TRIM16: variants seen among roughly 807,000 people sequenced by gnomAD.
TRIM16 encodes the protein tripartite motif-containing protein 16.
A neutral mutation model predicts 50.4 loss-of-function variants in TRIM16; 33 were observed. That is an observed-to-expected ratio of 0.65 (90% CI 0.50 to 0.88). TRIM16 has a LOEUF of 0.88. Ranked by LOEUF, TRIM16 falls within the 40% of genes least tolerant of loss-of-function variation. The pLI, the probability that TRIM16 is intolerant of heterozygous loss-of-function variation, is 0.00. For missense variants in TRIM16, 581 were observed against 686.8 expected, an observed-to-expected ratio of 0.85 and a Z score of 1.72; for synonymous variants, 229 against 270.7, an observed-to-expected ratio of 0.85 and a Z score of 1.51.
At position 15,669,689 on chromosome 17, in the gene TRIM16, G is replaced by A. The variant is rs148198877; in HGVS notation, c.-338+7487C>T. Reference sequence around the variant, plus strand: ...TTCGCTATTACAATCAACTGCTCACGGTGAACTACTGTAGTTTAACATTGC... The same window carrying A: ...TTCGCTATTACAATCAACTGCTCACAGTGAACTACTGTAGTTTAACATTGC... On this transcript the variant is annotated intron_variant, in intron 6 of 11. Coordinates refer to ENST00000649191, the MANE Select transcript of TRIM16 (RefSeq NM_001348119.1). Among the ~76,000 whole-genome samples the A allele has an allele frequency of 5.9e-3, 898 of 152,270 alleles. 8 individuals are homozygous for A. Among genetic ancestry groups the A allele is most frequent in the African/African-American group, 0.021 (856 of 41,558 alleles).
intron 6 of TRIM16, among the ~76,000 whole-genome samples, chr17:15,663,919 A>C (rs1244788344): frequency 2.6e-5 from 4 of 152,202 alleles, no homozygotes; most frequent in African/African-American, 7.2e-5. Context: ...GCCACAATGG[A>C]GGGCACTGTG....
At chr17:15,675,013 G>A (rs1988868601) in intron 6 of TRIM16, among the ~76,000 whole-genome samples, 1 of 151,948 alleles carries the variant, frequency 6.6e-6, no homozygotes, top group African/African-American at 2.4e-5. Context: ...AGTACAAGAA[G>A]GGGCAACAAG....
At chr17:15,640,853 C>T (rs1987082468) in intron 8 of TRIM16, among the ~76,000 whole-genome samples, 1 of 148,724 alleles carries the variant, frequency 6.7e-6, no homozygotes, top group South Asian at 2.2e-4. Flanking sequence ...CCACAGAGTG[C>T]TCCCTGCCTG....
chr17:15,632,584 TA>T lies in TRIM16; in HGVS notation c.939del (p.Ile314SerfsTer8). The T allele has an allele frequency of 1.2e-6, 2 of 1,614,020 alleles. No homozygotes were observed. The highest frequency in any genetic ancestry group is 4.5e-5 in the East Asian group (2 of 44,882). On this transcript the variant is annotated frameshift_variant, in exon 10 of 12. Transcript: ENST00000649191. LOFTEE classifies it high-confidence loss of function. ...LKDKLSGIRK[V>X]ITESTVHLIQ... ...ATTAAGTGTACAGTGGATTCCGTGA[TA>T]ACTTTGCGGATGCCCGAGAGTTTAT... is the stretch of plus-strand genomic sequence containing the variant.
intron 3 of TRIM16, 130 bp from the exon 4 acceptor site, chr17:15,681,083 A>C: frequency 3.9e-6 from 3 of 778,486 alleles, no homozygotes; most frequent in Non-Finnish European, 6.0e-6. Flanking sequence ...GATTTTACAG[A>C]CATCTATGTA....
chr17:15,657,698 C>T (rs999937720), intron 6 of TRIM16, among the ~76,000 whole-genome samples: 1 of 152,150 alleles, frequency 6.6e-6, no homozygotes, highest in South Asian at 2.1e-4. Context: ...TCATTCATAT[C>T]GTAGCATGCA....
chr17:15,659,234 C>T (rs754665180), intron 6 of TRIM16, among the ~76,000 whole-genome samples: 5 of 152,194 alleles, frequency 3.3e-5, no homozygotes, highest in East Asian at 1.9e-4. Context: ...AGGTGCACCA[C>T]GGTCATTTCT....
intron 4 of TRIM16, among the ~76,000 whole-genome samples, chr17:15,679,016 C>T (rs1390638067): frequency 6.6e-6 from 1 of 151,962 alleles, no homozygotes; most frequent in African/African-American, 2.4e-5. Flanking sequence ...GCTGGGACTA[C>T]AGGTGTGAGC....
chr17:15,631,544 A>G, intron 11 of TRIM16, 75 bp downstream of exon 11: 1 of 1,387,968 alleles, frequency 7.2e-7, no homozygotes, highest in Non-Finnish European at 1.0e-6. Context: ...CCTAGATGAG[A>G]GATGGCGGTT....
intron 6 of TRIM16, chr17:15,658,684 A>G: frequency 2.9e-6 from 1 of 341,074 alleles, no homozygotes; most frequent in Non-Finnish European, 4.1e-6. Flanking sequence ...AGTGACATCT[A>G]AGTCAGTCCT....
At chr17:15,681,296 C>T (rs997587309) in intron 3 of TRIM16, 9 of 169,414 alleles carry the variant, frequency 5.3e-5, no homozygotes, top group African/African-American at 1.7e-4. Flanking sequence ...CTCCTTTATT[C>T]GCAAATGGAG....
chr17:15,642,340 C>G (rs1338551316), intron 8 of TRIM16, among the ~76,000 whole-genome samples: 1 of 149,236 alleles, frequency 6.7e-6, no homozygotes, highest in East Asian at 2.0e-4. Context: ...TGGTGAGACT[C>G]ACATGCAGAA....
rs1266827233 is a variant in TRIM16 at position 15,645,402 on chromosome 17, GC to G, written c.520-2587del. On this transcript the variant is annotated intron_variant, in intron 7 of 11. Transcript: ENST00000649191. The stretch of plus-strand genomic sequence containing the variant: ...GCCCTCCCAGCCCAGGCAAGTGCCT[GC>G]CCAAAAACCTCAGGTTTGCCTGCTT... Among the ~76,000 whole-genome samples, 8 of 152,102 alleles carry G rather than the reference GC, an allele frequency of 5.3e-5. No individual in the cohort carries two copies. In the South Asian group the frequency reaches 1.0e-3, roughly 20 times the overall value.
chr17:15,660,078 G>A (rs76449605), intron 6 of TRIM16, among the ~76,000 whole-genome samples: 4,370 of 152,294 alleles, frequency 0.029, 160 homozygotes, highest in African/African-American at 0.086. Flanking sequence ...TTACTAGTGA[G>A]ATATAGCCCT....
chr17:15,632,062 A>C (rs774754932), intron 10 of TRIM16: 148 of 352,750 alleles, frequency 4.2e-4, no homozygotes, highest in Non-Finnish European at 7.1e-4. Flanking sequence ...AGAGTCCATT[A>C]GTAACATACC....
chr17:15,676,230 T>G (rs906662679), intron 6 of TRIM16, among the ~76,000 whole-genome samples: 17 of 152,160 alleles, frequency 1.1e-4, no homozygotes, highest in African/African-American at 3.6e-4. Context: ...ACTTCAGACG[T>G]TGCCAAATGT....
chr17:15,649,430 T>G (rs1483792457), intron 7 of TRIM16, among the ~76,000 whole-genome samples: 2 of 151,868 alleles, frequency 1.3e-5, no homozygotes, highest in East Asian at 1.9e-4. Context: ...GGGACTACAG[T>G]CGCCCGCCAC....
At chr17:15,647,226 C>T (rs1380005031) in intron 7 of TRIM16, among the ~76,000 whole-genome samples, 2 of 151,236 alleles carry the variant, frequency 1.3e-5, no homozygotes, top group African/African-American at 4.9e-5. Context: ...CCCGCCTCGG[C>T]CTGCCAAAGT....
At chr17:15,657,166 T>C (rs1035606724) in intron 6 of TRIM16, among the ~76,000 whole-genome samples, 4 of 152,174 alleles carry the variant, frequency 2.6e-5, no homozygotes, top group African/African-American at 9.7e-5. Flanking sequence ...AAAATACAAA[T>C]AACATAAAAT....
Sources: gnomAD v4.1 joint callset for allele counts (sites outside exome capture counted in the v4.1 genomes callset) on GRCh38, gnomAD v4.1.1 for gene constraint, MANE v1.5 for transcripts, NCBI Gene and HGNC (gene_info 2026-07-23, HGNC 2026-07-21) for gene names.